TRHDE: variants seen among roughly 807,000 people sequenced by gnomAD.
TRHDE encodes the protein thyrotropin releasing hormone degrading enzyme.
TRHDE carries 72 observed loss-of-function variants against 125.7 expected under a neutral mutation model. That is an observed-to-expected ratio of 0.57 (90% CI 0.47 to 0.70). TRHDE has a LOEUF of 0.70. Ranked by LOEUF, TRHDE falls within the 30% of genes least tolerant of loss-of-function variation. The probability of loss-of-function intolerance (pLI) is 0.00; values close to 1 mark genes in which losing one functional copy is unlikely to be tolerated. For synonymous variants in TRHDE, 509 were observed against 509.1 expected (o/e 1.00, Z 0.00); for missense variants, 1,110 against 1,327.1 (o/e 0.84, Z 2.54).
At chr12:72,186,630 A>AT (rs34530986) in intron 2 of TRHDE, 8,386 of 151,382 alleles carry the variant, frequency 0.055, 289 homozygotes, top group Non-Finnish European at 0.081. Context: ...CAAGGTAAGG[A>AT]TTTTTTTTTT....
At chr12:72,126,022 G>A (rs193233409) in intron 2 of TRHDE, among the ~76,000 whole-genome samples, 4 of 152,250 alleles carry the variant, frequency 2.6e-5, no homozygotes, top group African/African-American at 9.6e-5. Context: ...ACCCTGGGAG[G>A]GTGTCCTTGA....
intron 3 of TRHDE, among the ~76,000 whole-genome samples, chr12:72,454,237 GA>G (rs1469601796): frequency 2.6e-5 from 4 of 151,902 alleles, no homozygotes; most frequent in Admixed American, 1.3e-4. Context: ...ACCTTATAAT[GA>G]AAATGGGATA....
chr12:72,262,191 CA>C (rs1361657402), intron 2 of TRHDE, among the ~76,000 whole-genome samples: 1 of 152,146 alleles, frequency 6.6e-6, no homozygotes, highest in East Asian at 1.9e-4. Flanking sequence ...ATGTACAAGG[CA>C]TTTCAGGAGC....
intron 3 of TRHDE, among the ~76,000 whole-genome samples, chr12:72,459,029 C>T (rs1659444439): frequency 6.6e-6 from 1 of 152,190 alleles, no homozygotes; most frequent in Admixed American, 6.5e-5. Flanking sequence ...AAGTCTGACA[C>T]TACTCTCACT....
chr12:72,318,766 G>A (rs536174775), intron 2 of TRHDE, among the ~76,000 whole-genome samples: 6 of 151,982 alleles, frequency 3.9e-5, no homozygotes, highest in African/African-American at 1.5e-4. Flanking sequence ...CGATTTCAGA[G>A]TTATGAGGAA....
chr12:72,542,331 A>T lies in TRHDE; in HGVS notation c.1763A>T (p.His588Leu). 1 of 1,605,346 alleles carries T rather than the reference A, an allele frequency of 6.2e-7. No individual in the cohort carries two copies. Among genetic ancestry groups the T allele is most frequent in the Middle Eastern group, 1.7e-4 (1 of 6,006 alleles). Residue 588 changes from histidine (H) to leucine (L), a missense_variant, in exon 7 of 19, where the codon CAT (histidine) becomes CTT (leucine). Physicochemically the swap from His to Leu is moderately conservative, Grantham distance 99. Around this residue, in one of 5 missense-constraint regions of TRHDE, gnomAD observed 527 missense variants for 651.8 expected, o/e 0.81. Transcript: ENST00000261180. ...AGAATGCTGGCTAATTTTATGGGCC[A>T]TTCAGTTTTCCAGAGGGGTTTGCAA... ...LIRMLANFMG[H>L]SVFQRGLQDY...
chr12:72,512,030 C>T (rs553925441), intron 6 of TRHDE, among the ~76,000 whole-genome samples: 14 of 152,194 alleles, frequency 9.2e-5, no homozygotes, highest in African/African-American at 2.6e-4. Context: ...CTGTTGCACA[C>T]AGTTTCTGTC....
At chr12:72,388,427 C>T (rs1381199845) in intron 3 of TRHDE, among the ~76,000 whole-genome samples, 11 of 152,046 alleles carry the variant, frequency 7.2e-5, no homozygotes, top group Non-Finnish European at 1.0e-4. Context: ...AGTGTTTTTG[C>T]CTGTTGGTTC....
chr12:72,237,823 A>G (rs182292233), intron 2 of TRHDE, among the ~76,000 whole-genome samples: 57 of 152,048 alleles, frequency 3.7e-4, no homozygotes, highest in Admixed American at 1.2e-3. Flanking sequence ...TAATTCAGGG[A>G]CTCTTAGGCA....
intron 6 of TRHDE, among the ~76,000 whole-genome samples, chr12:72,513,138 A>G (rs577223578): frequency 1.3e-5 from 2 of 152,286 alleles, no homozygotes; most frequent in South Asian, 4.1e-4. Flanking sequence ...TGTTTTTACC[A>G]TTGAGGTCAC....
chr12:72,372,019 G>A (rs1871620361), intron 2 of TRHDE, among the ~76,000 whole-genome samples: 1 of 152,094 alleles, frequency 6.6e-6, no homozygotes, highest in African/African-American at 2.4e-5. Flanking sequence ...CAGTATAAAA[G>A]TGTTCCTATT....
chr12:72,296,150 G>A (rs1880291861), intron 2 of TRHDE, among the ~76,000 whole-genome samples: 1 of 152,214 alleles, frequency 6.6e-6, no homozygotes, highest in South Asian at 2.1e-4. Context: ...GATACTCAGT[G>A]AAATTCCACT....
intron 3 of TRHDE, among the ~76,000 whole-genome samples, chr12:72,383,853 C>T (rs1036358376): frequency 6.6e-6 from 1 of 151,488 alleles, no homozygotes; most frequent in South Asian, 2.1e-4. Flanking sequence ...TCTTGGGATT[C>T]GGCTGAAATG....
At chr12:72,356,114 A>G (rs978507829) in intron 2 of TRHDE, among the ~76,000 whole-genome samples, 4 of 151,774 alleles carry the variant, frequency 2.6e-5, no homozygotes, top group Non-Finnish European at 5.9e-5. Context: ...CACTATTCAC[A>G]ATAGAAAAGA....
chr12:72,550,269 T>C (rs1386964380), intron 7 of TRHDE, among the ~76,000 whole-genome samples: 1 of 151,942 alleles, frequency 6.6e-6, no homozygotes, highest in South Asian at 2.1e-4. Context: ...AATCTGTAAT[T>C]ATGGACATAC....
chr12:72,212,681 A>T (rs568712458), intron 2 of TRHDE, among the ~76,000 whole-genome samples: 1 of 152,272 alleles, frequency 6.6e-6, no homozygotes, highest in South Asian at 2.1e-4. Context: ...GAGATAGACA[A>T]TAACAAGTGA....
intron 2 of TRHDE, among the ~76,000 whole-genome samples, chr12:72,364,480 C>G (rs1371281450): frequency 2.6e-5 from 4 of 151,980 alleles, no homozygotes; most frequent in African/African-American, 9.7e-5. Flanking sequence ...AGAATGTAAG[C>G]TTTCCATAGT....
At chr12:72,419,268 A>G (rs1264860465) in intron 3 of TRHDE, among the ~76,000 whole-genome samples, 2 of 152,206 alleles carry the variant, frequency 1.3e-5, no homozygotes, top group Admixed American at 1.3e-4. Flanking sequence ...TTGCTAGAGA[A>G]AAAATGTAAA....
At chr12:72,128,756 T>C (rs1441269489) in intron 2 of TRHDE, among the ~76,000 whole-genome samples, 1 of 151,848 alleles carries the variant, frequency 6.6e-6, no homozygotes, top group Non-Finnish European at 1.5e-5. Context: ...AACAGGGAGA[T>C]TACAAAAATG....
Sources: gnomAD v4.1 joint callset for allele counts (sites outside exome capture counted in the v4.1 genomes callset) on GRCh38, gnomAD v4.1.1 for gene constraint, gnomAD v4.1.1 regional missense constraint, MANE v1.5 for transcripts, NCBI Gene and HGNC (gene_info 2026-07-23, HGNC 2026-07-21) for gene names.